Variants in NAALADL2 observed in about 807,000 individuals in gnomAD.
NAALADL2 encodes inactive N-acetylated-alpha-linked acidic dipeptidase-like protein 2.
A neutral mutation model predicts 87.2 loss-of-function variants in NAALADL2; 76 were observed. The observed-to-expected ratio is 0.87, with a 90% confidence interval of 0.72 to 1.05. The LOEUF is 1.05. Ranked by LOEUF, NAALADL2 falls within the 50% of genes least tolerant of loss-of-function variation. NAALADL2 has a pLI of 0.00. For synonymous variants in NAALADL2, 354 were observed against 331.0 expected (o/e 1.07, Z -0.75); for missense variants, 1,089 against 945.8 (o/e 1.15, Z -1.99).
intron 3 of NAALADL2, among the ~76,000 whole-genome samples, chr3:174,751,969 T>C (rs546391379): frequency 6.6e-6 from 1 of 152,144 alleles, no homozygotes; most frequent in African/African-American, 2.4e-5. Context: ...TTTTCTTTTA[T>C]TTTTTTCTTT....
At chr3:174,997,499 A>G (rs1195045526) in intron 1 of NAALADL2, among the ~76,000 whole-genome samples, 1 of 152,150 alleles carries the variant, frequency 6.6e-6, no homozygotes, top group Non-Finnish European at 1.5e-5. Context: ...AACAGAAAAA[A>G]GAGAAAATGC....
intron 1 of NAALADL2, among the ~76,000 whole-genome samples, chr3:175,048,998 T>C (rs1755028954): frequency 6.6e-6 from 1 of 152,160 alleles, no homozygotes; most frequent in South Asian, 2.1e-4. Context: ...AGGGATGTAA[T>C]CAGTTGCAAA....
chr3:175,115,879 T>G, intron 2 of NAALADL2, among the ~76,000 whole-genome samples: 1 of 151,816 alleles, frequency 6.6e-6, no homozygotes, highest in Non-Finnish European at 1.5e-5. Context: ...TCAAAAAGCT[T>G]ATCCACCACA....
At chr3:174,488,613 G>A (rs1718001525) in intron 1 of NAALADL2, among the ~76,000 whole-genome samples, 1 of 151,924 alleles carries the variant, frequency 6.6e-6, no homozygotes, top group Non-Finnish European at 1.5e-5. Context: ...TCATATCTTG[G>A]CTATCTGGGA....
At chr3:174,610,461 AT>A (rs1719702495) in intron 2 of NAALADL2, among the ~76,000 whole-genome samples, 1 of 152,054 alleles carries the variant, frequency 6.6e-6, no homozygotes, top group East Asian at 1.9e-4. Context: ...ACTCCAACAA[AT>A]TTACAAGAAA....
chr3:175,650,883 T>A (rs991089491), intron 11 of NAALADL2, among the ~76,000 whole-genome samples: 8 of 152,190 alleles, frequency 5.3e-5, no homozygotes, highest in East Asian at 3.8e-4. Context: ...TCACCATTCT[T>A]TGCACTCAGC....
chr3:174,858,056 T>C (rs1490827028), upstream of NAALADL2, among the ~76,000 whole-genome samples: 2 of 150,610 alleles, frequency 1.3e-5, no homozygotes, highest in Non-Finnish European at 3.0e-5. Flanking sequence ...GAGCTTCATA[T>C]ACATATATAT....
chr3:174,891,492 C>G (rs1730868503), intron 1 of NAALADL2, among the ~76,000 whole-genome samples: 1 of 152,046 alleles, frequency 6.6e-6, no homozygotes, highest in Admixed American at 6.6e-5. Flanking sequence ...TCTCTGGGTG[C>G]TGGAGGAGGG....
At chr3:174,471,094 C>T (rs1329528892) in intron 1 of NAALADL2, among the ~76,000 whole-genome samples, 2 of 151,998 alleles carry the variant, frequency 1.3e-5, no homozygotes, top group Non-Finnish European at 2.9e-5. Flanking sequence ...TCCAGCAGTG[C>T]TCCTATCTGC....
At chr3:174,886,309 T>C (rs1579361645) in intron 1 of NAALADL2, among the ~76,000 whole-genome samples, 1 of 151,926 alleles carries the variant, frequency 6.6e-6, no homozygotes, top group Non-Finnish European at 1.5e-5. Context: ...GCTAGGCCAG[T>C]CTCTCTTTTT....
chr3:174,513,726 A>C (rs1020021118), intron 1 of NAALADL2, among the ~76,000 whole-genome samples: 1 of 152,198 alleles, frequency 6.6e-6, no homozygotes, highest in African/African-American at 2.4e-5. Flanking sequence ...CATTTACAAA[A>C]TCTACCCACA....
chr3:174,532,099 T>A (rs182029571), intron 1 of NAALADL2, among the ~76,000 whole-genome samples: 6 of 152,224 alleles, frequency 3.9e-5, no homozygotes, highest in Admixed American at 3.9e-4. Flanking sequence ...AAAAAATAGG[T>A]ACTTCATTTA....
chr3:174,933,898 T>C (rs1396476084), intron 1 of NAALADL2, among the ~76,000 whole-genome samples: 4 of 152,212 alleles, frequency 2.6e-5, no homozygotes, highest in African/African-American at 9.6e-5. Flanking sequence ...AAATGTTTTA[T>C]AACCTTGGCC....
intron 3 of NAALADL2, among the ~76,000 whole-genome samples, chr3:175,240,340 CAA>C (rs1746619500): frequency 1.3e-5 from 2 of 152,234 alleles, no homozygotes; most frequent in East Asian, 3.9e-4. Flanking sequence ...CAGAAAGTCT[CAA>C]AGAGACAAAA....
intron 3 of NAALADL2, among the ~76,000 whole-genome samples, chr3:175,241,778 G>A (rs912244233): frequency 8.6e-5 from 13 of 150,708 alleles, no homozygotes; most frequent in African/African-American, 3.2e-4. Context: ...TGGTTAAAGT[G>A]CAGTGGACTG....
At chr3:175,399,787 T>C (rs1581732540) in intron 5 of NAALADL2, among the ~76,000 whole-genome samples, 2 of 152,088 alleles carry the variant, frequency 1.3e-5, no homozygotes, top group Admixed American at 1.3e-4. Context: ...GCCCAGAAGG[T>C]CTCAGCCTTA....
At chr3:175,338,622 AACACACAC>A (rs202022603) in intron 5 of NAALADL2, among the ~76,000 whole-genome samples, 1,153 of 88,442 alleles carry the variant, frequency 0.013, 35 homozygotes, top group East Asian at 0.027. Context: ...AAACACCACA[AACACACAC>A]ACACACACAC....
At chr3:174,489,767 A>G (rs1024819371) in intron 1 of NAALADL2, among the ~76,000 whole-genome samples, 1 of 152,016 alleles carries the variant, frequency 6.6e-6, no homozygotes, top group African/African-American at 2.4e-5. Flanking sequence ...TCAAAGCCAC[A>G]GTGAGAGACT....
intron 5 of NAALADL2, among the ~76,000 whole-genome samples, chr3:175,373,872 G>T (rs1464335915): frequency 6.6e-6 from 1 of 151,996 alleles, no homozygotes; most frequent in Non-Finnish European, 1.5e-5. Flanking sequence ...ATTTGACTCT[G>T]ATTATAGTTT....
Sources: gnomAD v4.1 joint callset for allele counts (sites outside exome capture counted in the v4.1 genomes callset) on GRCh38, gnomAD v4.1.1 for gene constraint, MANE v1.5 for transcripts, NCBI Gene and HGNC (gene_info 2026-07-23, HGNC 2026-07-21) for gene names.